The following ADAMTS13 variants were observed in gnomAD, a reference collection of about 807,000 sequenced individuals.
ADAMTS13 encodes the protein ADAM metallopeptidase with thrombospondin type 1 motif 13, also known as A disintegrin and metalloproteinase with thrombospondin motifs 13.
ADAMTS13 carries 110 observed loss-of-function variants against 155.1 expected under a neutral mutation model. The ratio of observed to expected loss-of-function variants is 0.71; its 90% CI spans 0.61 to 0.83. The LOEUF (loss-of-function observed/expected upper bound fraction) is 0.83. Among genes scored for constraint, ADAMTS13 ranks in the 40% least tolerant of loss-of-function variants. The probability of loss-of-function intolerance (pLI) is 0.00; values close to 1 mark genes in which losing one functional copy is unlikely to be tolerated. For synonymous variants in ADAMTS13, 758 were observed against 756.4 expected, an observed-to-expected ratio of 1.00 and a Z score of -0.03; for missense variants, 1,707 against 1,891.7, an observed-to-expected ratio of 0.90 and a Z score of 1.81.
rs777593573 is a variant in ADAMTS13, at chr9:133,456,573, C to T, written c.3578C>T (p.Thr1193Ile). ...GDMLLLWGRL[T>I]WRKMCRKLLD... ...ATGTTGCTGCTTTGGGGCCGGCTCA[C>T]CTGGAGGAAGATGTGCAGGAAGCTG... Residue 1193 changes from threonine to isoleucine, a missense_variant, in exon 27 of 29, where the codon ACC becomes ATC. Coordinates refer to ENST00000355699, the MANE Select transcript of ADAMTS13 (RefSeq NM_139027.6). This position sits in a 1 kb window ranked among gnomAD's most constrained non-coding sequence, Gnocchi z 4.4. 2.9e-5 allele frequency: 46 copies of T among 1,613,454 alleles called. No individual in the cohort carries two copies. The highest frequency in any genetic ancestry group is 3.7e-5 in the Non-Finnish European group (44 of 1,179,966).
chr9:133,442,843 G>A (rs907256387), intron 18 of ADAMTS13, 100 bp downstream of exon 18: 60 of 1,470,008 alleles, frequency 4.1e-5, no homozygotes, highest in East Asian at 7.4e-5. Context: ...TGGCAGGGCC[G>A]GGCTGAGCTG....
rs892917990 is a variant in ADAMTS13, at chr9:133,439,629, G to A, written c.1786+183G>A. On this transcript the variant is annotated intron_variant, in intron 15 of 28. Transcript: ENST00000355699. ...ACTGAGAGCTGTGGCACATGGCTGC[G>A]GCTCCTTCCAGAAGAACACAGGTTA... Among the ~76,000 whole-genome samples, 5 of 152,224 alleles carry A rather than the reference G, an allele frequency of 3.3e-5. 1 individual carries two copies. Among genetic ancestry groups the A allele is most frequent in the Admixed American group, 6.5e-5 (1 of 15,288 alleles).
At chr9:133,442,344 T>G in intron 16 of ADAMTS13, 55 bp from the exon 17 acceptor site, 1 of 1,613,320 alleles carries the variant, frequency 6.2e-7, no homozygotes, top group Non-Finnish European at 8.5e-7. Context: ...GAGGTGGCCA[T>G]GACAGTGACC....
intron 8 of ADAMTS13, among the ~76,000 whole-genome samples, chr9:133,432,378 C>A (rs1446107106): frequency 6.6e-6 from 1 of 152,210 alleles, no homozygotes; most frequent in East Asian, 1.9e-4. Context: ...TTCCATGGGC[C>A]CCCAAAAGTG....
intron 23 of ADAMTS13, among the ~76,000 whole-genome samples, chr9:133,451,185 C>T (rs1057397499): frequency 2.0e-5 from 3 of 152,228 alleles, no homozygotes; most frequent in African/African-American, 7.2e-5. Context: ...AAGAATGTAA[C>T]AGACATGTAT....
Position 133,450,030 on chromosome 9 carries a change from G to A in ADAMTS13, c.3044+65G>A. On this transcript the variant is annotated intron_variant, in intron 23 of 28. Transcript: ENST00000355699. ...TGCAGATGCCAGGCCAGGCGCTGTG[G>A]TGTGTGCCTGTAATCGCAGCTACTT... 2.0e-6 allele frequency: 3 copies of A among 1,520,428 alleles called. No individual in the cohort carries two copies. In the South Asian group the frequency reaches 3.6e-5, roughly 18 times the overall value. The allele number at this position is 1,520,428 out of a possible 1,614,324, so 94.2% of individuals were successfully genotyped here.
At position 133,428,781 on chromosome 9, in the gene ADAMTS13, G is replaced by C; in HGVS notation, c.824+10G>C. On this transcript the variant is annotated intron_variant, in intron 7 of 28. Transcript: ENST00000355699. The stretch of plus-strand genomic sequence containing the variant: ...TGCTGAGCCTGCTCAGGTAGCGGCC[G>C]CCCCGTGGGAGGGGCGCGCGAGCCT... 7.6e-7 allele frequency: 1 copy of C among 1,312,836 alleles called. No homozygotes were observed. Among genetic ancestry groups the C allele is most frequent in the South Asian group, 2.0e-5 (1 of 49,172 alleles). The allele number at this position is 1,312,836 out of a possible 1,614,324, so 81.3% of individuals were successfully genotyped here.
Position 133,442,610 on chromosome 9 carries a change from C to T in ADAMTS13, c.2105-4C>T. 1 of 1,613,266 alleles carries T rather than the reference C, an allele frequency of 6.2e-7. No homozygotes were observed. Among genetic ancestry groups the T allele is most frequent in the Non-Finnish European group, 8.5e-7 (1 of 1,179,996 alleles). ...GCGGCCTAGCCCTCCCTCTTCCCTC[C>T]CAGGGCTGCGCTGGGTAAACTACAG... On this transcript the variant is annotated splice_polypyrimidine_tract_variant and splice_region_variant and intron_variant, in intron 17 of 28. Coordinates refer to ENST00000355699, the MANE Select transcript of ADAMTS13 (RefSeq NM_139027.6).
chr9:133,431,016 A>G (rs1217387638), intron 8 of ADAMTS13, among the ~76,000 whole-genome samples: 1 of 152,024 alleles, frequency 6.6e-6, no homozygotes, highest in Non-Finnish European at 1.5e-5. Context: ...CCCAGGGTGG[A>G]GTGCAGTAGC....
Position 133,444,843 on chromosome 9 carries a change from C to G in ADAMTS13, c.2421-20C>G, listed in dbSNP as rs929666371. ...GGGTGGCAGAGGCAGGGCCTGATGA[C>G]TGTCTCATGCCATCCTCAGGTGGGA... On this transcript the variant is annotated intron_variant, in intron 19 of 28. Transcript: ENST00000355699. The G allele has an allele frequency of 1.9e-6, 3 of 1,611,822 alleles. No homozygotes were observed. Among genetic ancestry groups the G allele is most frequent in the Non-Finnish European group, 2.5e-6 (3 of 1,179,752 alleles).
intron 27 of ADAMTS13, 55 bp from the exon 28 acceptor site, chr9:133,457,855 G>C: frequency 1.2e-6 from 2 of 1,609,108 alleles, no homozygotes; most frequent in Non-Finnish European, 1.7e-6. Flanking sequence ...AGTTGTCCTG[G>C]CCTCTGGCAC....
rs782746916 is a variant in ADAMTS13 at position 133,445,061 on chromosome 9, C to T, written c.2610+9C>T. ...CTCCAGGCTGGGGCCATGTGAGTGCCCTGGGCATGAGGGTGGCTGGGGCTG... is the reference window on the plus strand; with the variant it reads ...CTCCAGGCTGGGGCCATGTGAGTGCTCTGGGCATGAGGGTGGCTGGGGCTG... On this transcript the variant is annotated intron_variant, in intron 20 of 28. Transcript: ENST00000355699. This position sits in a 1 kb window ranked among gnomAD's most constrained non-coding sequence, Gnocchi z 5.0. 3.1e-6 allele frequency: 5 copies of T among 1,611,834 alleles called. No individual in the cohort carries two copies. Among genetic ancestry groups the T allele is most frequent in the Non-Finnish European group, 3.4e-6 (4 of 1,179,664 alleles).
At chr9:133,437,651 A>G in intron 12 of ADAMTS13, 98 bp from the exon 13 acceptor site, 1 of 1,420,970 alleles carries the variant, frequency 7.0e-7, no homozygotes, top group Non-Finnish European at 9.8e-7. Flanking sequence ...GAAGATAGAA[A>G]CCCTTGCCCC....
chr9:133,449,688 C>A, intron 22 of ADAMTS13, 95 bp from the exon 23 acceptor site: 1 of 1,452,456 alleles, frequency 6.9e-7, no homozygotes, highest in Non-Finnish European at 9.5e-7. Context: ...AGCTTCCTGT[C>A]TCTTCCTAGT....
rs587775929 is a variant in ADAMTS13 at position 133,432,562 on chromosome 9, C to T, written c.988-26C>T. 8 of 1,543,768 alleles carry T rather than the reference C, an allele frequency of 5.2e-6. No individual in the cohort carries two copies. The South Asian group carries it at 6.0e-5, about 12-fold the overall frequency. ...GGAAGGCCCTGGTGGCCCCTGAGCT[C>T]GCCACCCACCTGTCCACCCTCCTAG... On this transcript the variant is annotated intron_variant, in intron 8 of 28. Transcript: ENST00000355699.
chr9:133,455,654 C>T lies in ADAMTS13; in HGVS notation c.3400+219C>T, dbSNP rs1341953038. The T allele has an allele frequency of 1.9e-6, 3 of 1,587,510 alleles. No homozygotes were observed. In the Admixed American group the frequency reaches 5.0e-5, roughly 26 times the overall value. On this transcript the variant is annotated intron_variant, in intron 25 of 28. Coordinates refer to ENST00000355699, the MANE Select transcript of ADAMTS13 (RefSeq NM_139027.6). Reference sequence around the variant, plus strand: ...AGGCAGCTGCTGCAGGAGGGGTGGGCAAAGGCATCTTCCTCTGGGAAGGAC... The same window carrying T: ...AGGCAGCTGCTGCAGGAGGGGTGGGTAAAGGCATCTTCCTCTGGGAAGGAC...
rs587612354 is a variant in ADAMTS13 at position 133,451,628 on chromosome 9, C to T, written c.3044+1663C>T. Among the ~76,000 whole-genome samples, 380 of 152,198 alleles carry T rather than the reference C, an allele frequency of 2.5e-3. 1 individual carries two copies. The highest frequency in any genetic ancestry group is 8.5e-3 in the African/African-American group (352 of 41,544). ...TTAAATTTAGGCTGGTCATGGCTCA[C>T]GCCTGTAATCTCAGCACTTCAGGAG... On this transcript the variant is annotated intron_variant, in intron 23 of 28. Transcript: ENST00000355699.
At chr9:133,437,632 G>A in intron 12 of ADAMTS13, 117 bp from the exon 13 acceptor site, 1 of 1,127,778 alleles carries the variant, frequency 8.9e-7, no homozygotes, top group South Asian at 1.3e-5. Flanking sequence ...TTAGGAGGTG[G>A]GATGTGGGGA....
exon 1 of ADAMTS13, chr9:133,414,528 C>T (rs782279454): frequency 1.4e-5 from 11 of 813,574 alleles, no homozygotes; most frequent in African/African-American, 1.0e-4. Context: ...CAAGTAACAG[C>T]GAGTAAACAA....
Sources: allele counts gnomAD v4.1 joint callset (sites outside exome capture counted in the v4.1 genomes callset), GRCh38; gene constraint gnomAD v4.1.1; non-coding constraint Gnocchi (gnomAD v3.1); transcripts MANE v1.5; gene names NCBI Gene and HGNC (gene_info 2026-07-23, HGNC 2026-07-21).